The following CERS6 variants were observed in gnomAD, a reference collection of about 807,000 sequenced individuals.
The protein encoded by CERS6 is LAG1 homolog, ceramide synthase 6.
In CERS6, 26 loss-of-function variants were observed where a neutral mutation model predicts 56.8. That is an observed-to-expected ratio of 0.46 (90% CI 0.34 to 0.63). CERS6 has a LOEUF of 0.63. Among genes scored for constraint, CERS6 ranks in the 30% least tolerant of loss-of-function variants. CERS6 has a pLI of 0.01. For missense variants in CERS6, 415 were observed against 467.5 expected (o/e 0.89, Z 1.04); for synonymous variants, 164 against 173.3 (o/e 0.95, Z 0.42).
Position 168,644,269 on chromosome 2 carries a change from A to G in CERS6, c.465+13227A>G, listed in dbSNP as rs936470662. ...TGAGCATGTGACTGAGGATGAAGGA[A>G]GCTTCAGCTCAGGAAGATGAAGAAA... is the stretch of plus-strand genomic sequence containing the variant. On this transcript the variant is annotated intron_variant, in intron 4 of 9. Coordinates refer to ENST00000305747, the MANE Select transcript of CERS6 (RefSeq NM_203463.3). The G allele has an allele frequency of 5.2e-6, 5 of 968,940 alleles. No homozygotes were observed. In the Admixed American group the frequency reaches 3.1e-4, roughly 60 times the overall value. The allele number at this position is 968,940 out of a possible 1,614,324, so 60.0% of individuals were successfully genotyped here.
intron 1 of CERS6, among the ~76,000 whole-genome samples, chr2:168,457,028 C>A (rs1462827173): frequency 1.3e-5 from 2 of 152,218 alleles, no homozygotes; most frequent in Non-Finnish European, 2.9e-5. Flanking sequence ...CCGCGCCACC[C>A]ACCTGACAGC....
intron 6 of CERS6, among the ~76,000 whole-genome samples, chr2:168,696,610 C>A (rs1553509733): frequency 1.3e-5 from 2 of 152,142 alleles, no homozygotes; most frequent in East Asian, 3.9e-4. Context: ...AGGTGAGGTG[C>A]CCCAGATCAA....
At chr2:168,743,995 C>CTTTTTTTTTTTTTTTTTTT (rs58256507) in intron 8 of CERS6, among the ~76,000 whole-genome samples, 2 of 63,402 alleles carry the variant, frequency 3.2e-5, no homozygotes, top group African/African-American at 1.4e-4. Context: ...TCTTTTTTTT[C>CTTTTTTTTTTTTTTTTTTT]TTTTTTTTTT....
chr2:168,759,156 G>A (rs1367282852), intron 8 of CERS6, among the ~76,000 whole-genome samples: 1 of 152,158 alleles, frequency 6.6e-6, no homozygotes, highest in East Asian at 1.9e-4. Context: ...AGGTGTATCA[G>A]GGCATCAGCA....
Position 168,766,450 on chromosome 2 carries a change from A to G in CERS6, c.1002+702A>G, listed in dbSNP as rs1559086137. On this transcript the variant is annotated intron_variant, in intron 9 of 9. Transcript: ENST00000305747. ...CCACGCATATTGTTCTGTCTAACCTATTGGCACTGTCTAGAGGCTTCATGT... is the reference window on the plus strand; with the variant it reads ...CCACGCATATTGTTCTGTCTAACCTGTTGGCACTGTCTAGAGGCTTCATGT... 9.0e-6 allele frequency: 9 copies of G among 1,003,740 alleles called. No homozygotes were observed. The East Asian group carries it at 1.4e-4, about 16-fold the overall frequency. 62.2% of individuals were successfully genotyped at this position (1,003,740 alleles called of 1,614,324 possible). A position where few individuals can be genotyped will look rare whatever the true frequency, so the allele number is the denominator to read the frequency against.
intron 8 of CERS6, among the ~76,000 whole-genome samples, chr2:168,765,085 A>G (rs1408627272): frequency 1.3e-5 from 2 of 152,242 alleles, no homozygotes; most frequent in East Asian, 3.8e-4. Flanking sequence ...TGAAGATGAA[A>G]CAAGCCTGTC....
intron 1 of CERS6, among the ~76,000 whole-genome samples, chr2:168,472,575 A>T (rs1366498510): frequency 6.6e-6 from 1 of 152,226 alleles, no homozygotes; most frequent in East Asian, 1.9e-4. Context: ...CATCGAATTT[A>T]ATAAAGAAAT....
At chr2:168,730,152 C>G (rs962143093) in intron 8 of CERS6, among the ~76,000 whole-genome samples, 1 of 152,170 alleles carries the variant, frequency 6.6e-6, no homozygotes, top group South Asian at 2.1e-4. Context: ...AAAGCAGGAG[C>G]ATCCCAGCCA....
intron 4 of CERS6, among the ~76,000 whole-genome samples, chr2:168,665,371 T>A (rs1481259841): frequency 6.6e-6 from 1 of 152,192 alleles, no homozygotes; most frequent in Non-Finnish European, 1.5e-5. Flanking sequence ...ACCAATTACT[T>A]AAGTTTTTGC....
At chr2:168,463,612 G>T (rs1693816874) in intron 1 of CERS6, among the ~76,000 whole-genome samples, 1 of 152,094 alleles carries the variant, frequency 6.6e-6, no homozygotes, top group Non-Finnish European at 1.5e-5. Context: ...TATTATCATT[G>T]GAAAAAATCT....
At chr2:168,477,705 T>C (rs923504619) in intron 1 of CERS6, among the ~76,000 whole-genome samples, 11 of 152,198 alleles carry the variant, frequency 7.2e-5, no homozygotes, top group African/African-American at 2.7e-4. Flanking sequence ...TTGATAGATA[T>C]TGGAGAATTG....
At chr2:168,672,275 A>C (rs1017144405) in intron 4 of CERS6, among the ~76,000 whole-genome samples, 2 of 152,218 alleles carry the variant, frequency 1.3e-5, no homozygotes, top group Non-Finnish European at 2.9e-5. Flanking sequence ...GTACAGTAAT[A>C]ATCTTGTTTT....
chr2:168,619,991 A>C (rs542187984), intron 3 of CERS6, among the ~76,000 whole-genome samples: 1 of 134,786 alleles, frequency 7.4e-6, no homozygotes, highest in African/African-American at 2.7e-5. Context: ...ATTGATGGGC[A>C]TTTGGGCTGG....
chr2:168,647,057 A>G (rs1451481363), intron 4 of CERS6, among the ~76,000 whole-genome samples: 1 of 152,148 alleles, frequency 6.6e-6, no homozygotes, highest in African/African-American at 2.4e-5. Flanking sequence ...AGCTTTTTCT[A>G]GTTCTGTGAA....
rs545734669 is a variant in CERS6, at chr2:168,686,288, C to T, written c.466-4746C>T. ...TCTCTTCCTCTTCCTCTCCTTGTAA[C>T]GCCACCAACCCTATTGGTTTAAGAC... On this transcript the variant is annotated intron_variant, in intron 4 of 9. Coordinates refer to ENST00000305747, the MANE Select transcript of CERS6 (RefSeq NM_203463.3). 6.6e-5 allele frequency among the ~76,000 whole-genome samples: 10 copies of T among 151,436 alleles called. No individual in the cohort carries two copies. In the South Asian group the frequency reaches 8.4e-4, roughly 13 times the overall value.
intron 4 of CERS6, among the ~76,000 whole-genome samples, chr2:168,670,648 T>C (rs1304976733): frequency 2.0e-5 from 3 of 152,206 alleles, no homozygotes; most frequent in Non-Finnish European, 4.4e-5. Context: ...GTTACAATGA[T>C]AGTGATTTCC....
intron 8 of CERS6, among the ~76,000 whole-genome samples, chr2:168,761,329 G>A (rs1416626597): frequency 6.6e-6 from 1 of 151,584 alleles, no homozygotes; most frequent in African/African-American, 2.4e-5. Flanking sequence ...AGAAATTAAT[G>A]TGAATGCCAT....
At chr2:168,645,111 AAAAAAATATATAT>A (rs1685148620) in intron 4 of CERS6, among the ~76,000 whole-genome samples, 2 of 59,424 alleles carry the variant, frequency 3.4e-5, no homozygotes, top group Non-Finnish European at 3.3e-5. Context: ...AAAAAAAAAA[AAAAAAATATATAT>A]ATATATATAT....
At chr2:168,575,422 G>A (rs1683237760) in intron 3 of CERS6, among the ~76,000 whole-genome samples, 1 of 151,860 alleles carries the variant, frequency 6.6e-6, no homozygotes, top group African/African-American at 2.4e-5. Context: ...GAGTGAGAGT[G>A]AGGAAGTGCC....
Sources: allele counts gnomAD v4.1 joint callset (sites outside exome capture counted in the v4.1 genomes callset), GRCh38; gene constraint gnomAD v4.1.1; transcripts MANE v1.5; gene names NCBI Gene and HGNC (gene_info 2026-07-23, HGNC 2026-07-21).